GCNT2: variants seen among roughly 807,000 people sequenced by gnomAD.
GCNT2 encodes the protein N-acetyllactosaminide beta-1,6-N-acetylglucosaminyl-transferase.
Under a neutral mutation model 34.2 loss-of-function variants are expected in GCNT2, and 34 were observed. The ratio of observed to expected loss-of-function variants is 1.00; its 90% CI spans 0.76 to 1.32. The LOEUF (loss-of-function observed/expected upper bound fraction) is 1.32, where lower values mean the gene tolerates loss of function less well. Ranked by LOEUF, GCNT2 falls within the 40% of genes most tolerant of loss-of-function variation. The probability of loss-of-function intolerance (pLI) is 0.00; values close to 1 mark genes in which losing one functional copy is unlikely to be tolerated. For synonymous variants in GCNT2, 212 were observed against 188.0 expected (o/e 1.13, Z -1.04); for missense variants, 584 against 489.4 (o/e 1.19, Z -1.82).
intron 3 of GCNT2, among the ~76,000 whole-genome samples, chr6:10,584,280 T>A (rs535041746): frequency 6.6e-6 from 1 of 152,170 alleles, no homozygotes; most frequent in African/African-American, 2.4e-5. Context: ...GTAGGCTAGA[T>A]TTATATTTAA....
chr6:10,540,706 G>A lies in GCNT2; in HGVS notation c.925+10870G>A, dbSNP rs116376236. Reference sequence around the variant, plus strand: ...AAATCGTCTGCATGTCTAATAAGATGTTCTCTACAAGTGGAGAAAATTCCC... The same window carrying A: ...AAATCGTCTGCATGTCTAATAAGATATTCTCTACAAGTGGAGAAAATTCCC... On this transcript the variant is annotated intron_variant, in intron 3 of 4. Transcript: ENST00000495262. 1.9e-3 allele frequency among the ~76,000 whole-genome samples: 284 copies of A among 152,284 alleles called. 2 individuals carry two copies. Among genetic ancestry groups the A allele is most frequent in the Admixed American group, 4.7e-3 (72 of 15,294 alleles).
At chr6:10,617,543 G>A (rs996114066) in intron 3 of GCNT2, among the ~76,000 whole-genome samples, 5 of 152,204 alleles carry the variant, frequency 3.3e-5, no homozygotes, top group South Asian at 2.1e-4. Flanking sequence ...GAGAGCGAGC[G>A]AGGGCTGCTA....
At chr6:10,579,271 A>G (rs1763960785) in intron 3 of GCNT2, among the ~76,000 whole-genome samples, 1 of 152,196 alleles carries the variant, frequency 6.6e-6, no homozygotes, top group Non-Finnish European at 1.5e-5. Flanking sequence ...TGTGCTATTA[A>G]AAACAATGAC....
At chr6:10,531,025 GC>G (rs1315563651) in intron 3 of GCNT2, among the ~76,000 whole-genome samples, 1 of 147,528 alleles carries the variant, frequency 6.8e-6, no homozygotes, top group Admixed American at 6.8e-5. Flanking sequence ...TCGCACTCCA[GC>G]GGAGACTCTG....
At chr6:10,581,547 G>A (rs542479420) in intron 3 of GCNT2, among the ~76,000 whole-genome samples, 2 of 152,256 alleles carry the variant, frequency 1.3e-5, no homozygotes, top group South Asian at 4.1e-4. Context: ...TGGGATTACC[G>A]GCATGAACCA....
At chr6:10,563,294 A>G (rs1763095573) in intron 3 of GCNT2, among the ~76,000 whole-genome samples, 2 of 152,216 alleles carry the variant, frequency 1.3e-5, no homozygotes, top group Admixed American at 1.3e-4. Context: ...CTTTTCTCTC[A>G]TAAAAACATG....
At chr6:10,602,803 G>A (rs1334942634) in intron 3 of GCNT2, among the ~76,000 whole-genome samples, 4 of 152,198 alleles carry the variant, frequency 2.6e-5, no homozygotes, top group Non-Finnish European at 5.9e-5. Flanking sequence ...AGAAGGCACT[G>A]TGTGCAGGGC....
intron 3 of GCNT2, among the ~76,000 whole-genome samples, chr6:10,559,551 G>A (rs1762877430): frequency 1.3e-5 from 2 of 152,212 alleles, no homozygotes; most frequent in South Asian, 2.1e-4. Flanking sequence ...AAGACACAAT[G>A]CCTAGAACAA....
intron 3 of GCNT2, among the ~76,000 whole-genome samples, chr6:10,615,673 G>A (rs1765727756): frequency 6.6e-6 from 1 of 152,120 alleles, no homozygotes; most frequent in South Asian, 2.1e-4. Context: ...AGTTTATTAA[G>A]AAAGTAAAGG....
At position 10,549,563 on chromosome 6, in the gene GCNT2, CTTTTTTTTTTTTT is replaced by C. The variant is rs33909973; in HGVS notation, c.925+19741_925+19753del. 1.1e-4 allele frequency among the ~76,000 whole-genome samples: 11 copies of C among 104,310 alleles called. No individual in the cohort carries two copies. The South Asian group carries it at 1.6e-3, about 15-fold the overall frequency. 68.4% of individuals were successfully genotyped at this position (104,310 alleles called of 152,430 possible). A position where few individuals can be genotyped will look rare whatever the true frequency, so the allele number is the denominator to read the frequency against. On this transcript the variant is annotated intron_variant, in intron 3 of 4. Coordinates refer to ENST00000495262, the MANE Select transcript of GCNT2 (RefSeq NM_145649.5). ...TTCCTTTCTCTCTCAATCTCTCTCT[CTTTTTTTTTTTTT>C]TTTTTTTTTTTTTGAGACAGGGTCT...
intron 3 of GCNT2, chr6:10,557,838 A>G (rs908440148): frequency 6.5e-6 from 1 of 154,682 alleles, no homozygotes; most frequent in Non-Finnish European, 1.4e-5. Context: ...TAGCACTACT[A>G]AGTAATACCT....
rs1181141805 is a variant in GCNT2, at chr6:10,537,719, A to AC, written c.925+7883_925+7884insC. 7.6e-4 allele frequency among the ~76,000 whole-genome samples: 91 copies of AC among 119,746 alleles called. 2 individuals are homozygous for AC. Among genetic ancestry groups the AC allele is most frequent in the African/African-American group, 2.6e-3 (88 of 33,804 alleles). 78.6% of individuals were successfully genotyped at this position (119,746 alleles called of 152,430 possible). A position where few individuals can be genotyped will look rare whatever the true frequency, so the allele number is the denominator to read the frequency against. On this transcript the variant is annotated intron_variant, in intron 3 of 4. Transcript: ENST00000495262. ...GCCGCAAAAAAAAAAAAAAAAAAAAAAAAAAAACAAAACAAAGAAAACGAA... is the reference window on the plus strand; with the variant it reads ...GCCGCAAAAAAAAAAAAAAAAAAAAACAAAAAAACAAAACAAAGAAAACGAA...
At chr6:10,537,348 C>T (rs1342182438) in intron 3 of GCNT2, among the ~76,000 whole-genome samples, 7 of 152,116 alleles carry the variant, frequency 4.6e-5, no homozygotes, top group Non-Finnish European at 7.3e-5. Flanking sequence ...TGCTCTTCGA[C>T]TTACAGCGGG....
chr6:10,537,731 A>AAC (rs1761838902), intron 3 of GCNT2, among the ~76,000 whole-genome samples: 1 of 146,974 alleles, frequency 6.8e-6, no homozygotes, highest in African/African-American at 2.5e-5. Context: ...AAAAAACAAA[A>AAC]CAAAGAAAAC....
In GCNT2 at chr6:10,534,139, CTCTT is replaced by C. The variant is rs1384955354; in HGVS notation, c.925+4305_925+4308del. Among the ~76,000 whole-genome samples the C allele has an allele frequency of 2.8e-4, 34 of 123,230 alleles. 4 individuals carry two copies. Among genetic ancestry groups the C allele is most frequent in the South Asian group, 6.4e-4 (2 of 3,130 alleles). The allele number at this position is 123,230 out of a possible 152,430, so 80.8% of individuals were successfully genotyped here. On this transcript the variant is annotated intron_variant, in intron 3 of 4. Coordinates refer to ENST00000495262, the MANE Select transcript of GCNT2 (RefSeq NM_145649.5). ...CTGGTATCTGCCAGATTCCATGCTG[CTCTT>C]TTTTTTTTTTTTTTTTAAGATGGAG...
chr6:10,549,393 A>G (rs1053803924), intron 3 of GCNT2, among the ~76,000 whole-genome samples: 6 of 152,102 alleles, frequency 3.9e-5, no homozygotes, highest in African/African-American at 1.4e-4. Context: ...ATTTTGGGTC[A>G]TAGGATATAG....
chr6:10,582,277 T>TA (rs1231822202), intron 3 of GCNT2, among the ~76,000 whole-genome samples: 10,423 of 108,642 alleles, frequency 0.096, 648 homozygotes, highest in Non-Finnish European at 0.13. Flanking sequence ...ATTAAATATA[T>TA]AAATATATAT....
chr6:10,556,630 G>C, intron 3 of GCNT2: 2 of 1,614,108 alleles, frequency 1.2e-6, no homozygotes, highest in Non-Finnish European at 1.7e-6. Context: ...TCCATGAGAA[G>C]TCTTCTTGCA....
rs528182186 is a variant in GCNT2, at chr6:10,533,525, C to T, written c.925+3689C>T. ...ATTTTATGCCAGGTGTGGTGGCTCT[C>T]GCCTGTAATCCCAGCACTTTGGGGA... On this transcript the variant is annotated intron_variant, in intron 3 of 4. Transcript: ENST00000495262. Among the ~76,000 whole-genome samples, 138 of 151,898 alleles carry T rather than the reference C, an allele frequency of 9.1e-4. 1 individual carries two copies. The highest frequency in any genetic ancestry group is 2.8e-3 in the African/African-American group (118 of 41,450).
Sources: gnomAD v4.1 joint callset for allele counts (sites outside exome capture counted in the v4.1 genomes callset) on GRCh38, gnomAD v4.1.1 for gene constraint, MANE v1.5 for transcripts, NCBI Gene and HGNC (gene_info 2026-07-23, HGNC 2026-07-21) for gene names.